Variants in NRXN1 observed in about 807,000 individuals in gnomAD.
The protein encoded by NRXN1 is neurexin-1.
Under a neutral mutation model 150.9 loss-of-function variants are expected in NRXN1, and 39 were observed. That is an observed-to-expected ratio of 0.26 (90% CI 0.20 to 0.34). The LOEUF (loss-of-function observed/expected upper bound fraction) is 0.34. Among genes scored for constraint, NRXN1 ranks in the 10% least tolerant of loss-of-function variants. The pLI is 1.00. For missense variants in NRXN1, 1,815 were observed against 1,949.9 expected (o/e 0.93, Z 1.30); for synonymous variants, 924 against 757.0 (o/e 1.22, Z -3.62).
At chr2:50,625,070 G>T (rs551276631) in intron 5 of NRXN1, 1 of 151,788 alleles carries the variant, frequency 6.6e-6, no homozygotes, top group South Asian at 2.1e-4. Flanking sequence ...TGTCCCACTG[G>T]CGACATACTA....
chr2:50,607,501 G>T (rs967157890), intron 8 of NRXN1, among the ~76,000 whole-genome samples: 1 of 152,002 alleles, frequency 6.6e-6, no homozygotes, highest in Admixed American at 6.6e-5. Flanking sequence ...ACTTTCTTTA[G>T]GGCATAAGCC....
In NRXN1 at chr2:49,921,817, C is replaced by G. The variant is rs1253576831; in HGVS notation, c.*127G>C. 10 of 941,726 alleles carry G rather than the reference C, an allele frequency of 1.1e-5. No homozygotes were observed. Among genetic ancestry groups the G allele is most frequent in the Admixed American group, 2.9e-5 (1 of 34,636 alleles). The allele number at this position is 941,726 out of a possible 1,614,324, so 58.3% of individuals were successfully genotyped here. ...TGTTTTTATTTTTTAAAAAGTCTTT[C>G]CTTCCTGATTGCATTCCCTGTCTTC... On this transcript the variant is annotated 3_prime_UTR_variant, in exon 23 of 23. Coordinates refer to ENST00000401669, the MANE Select transcript of NRXN1 (RefSeq NM_001330078.2).
intron 18 of NRXN1, among the ~76,000 whole-genome samples, chr2:50,233,396 A>C (rs1016700239): frequency 6.6e-6 from 1 of 152,038 alleles, no homozygotes; most frequent in Admixed American, 6.6e-5. Flanking sequence ...AGTTAATCAA[A>C]ATTTTTAAAA....
At chr2:50,810,915 G>C (rs1284770634) in intron 5 of NRXN1, among the ~76,000 whole-genome samples, 1 of 151,918 alleles carries the variant, frequency 6.6e-6, no homozygotes, top group Non-Finnish European at 1.5e-5. Context: ...GAGAGGCGGT[G>C]ATTGCAGTGA....
At chr2:50,645,562 A>G (rs1178710956) in intron 5 of NRXN1, among the ~76,000 whole-genome samples, 4 of 151,908 alleles carry the variant, frequency 2.6e-5, no homozygotes, top group Non-Finnish European at 4.4e-5. Flanking sequence ...CGTCATGGTG[A>G]TTGTTTACCA....
At chr2:50,263,312 T>C (rs1574817188) in intron 17 of NRXN1, among the ~76,000 whole-genome samples, 1 of 152,018 alleles carries the variant, frequency 6.6e-6, no homozygotes, top group East Asian at 1.9e-4. Context: ...CATATAACTG[T>C]CCCATACTGA....
At chr2:50,089,780 T>A (rs1311398522) in intron 19 of NRXN1, among the ~76,000 whole-genome samples, 1 of 139,060 alleles carries the variant, frequency 7.2e-6, no homozygotes, top group Non-Finnish European at 1.5e-5. Context: ...GAGTGAGACC[T>A]TGCTTCAAAA....
At chr2:50,422,878 T>G (rs2084109852) in intron 17 of NRXN1, among the ~76,000 whole-genome samples, 1 of 152,202 alleles carries the variant, frequency 6.6e-6, no homozygotes, top group East Asian at 1.9e-4. Flanking sequence ...CCAGGCTTCC[T>G]GACCACTCTC....
At chr2:50,548,962 G>C (rs997524504) in intron 9 of NRXN1, among the ~76,000 whole-genome samples, 4 of 152,088 alleles carry the variant, frequency 2.6e-5, no homozygotes, top group Non-Finnish European at 5.9e-5. Flanking sequence ...AATATTCCAG[G>C]CAAATCAACA....
At position 50,807,498 on chromosome 2, in the gene NRXN1, A is replaced by G. The variant is rs577961509; in HGVS notation, c.832+114371T>C. 4.6e-5 allele frequency among the ~76,000 whole-genome samples: 7 copies of G among 152,308 alleles called. No individual in the cohort carries two copies. The East Asian group carries it at 9.7e-4, about 21-fold the overall frequency. On this transcript the variant is annotated intron_variant, in intron 5 of 22. Transcript: ENST00000401669. The stretch of plus-strand genomic sequence containing the variant: ...CACTGGACTGAATAATTTTATATCA[A>G]TTTATTCCAACTGCTATGAATACTG...
In NRXN1 at chr2:50,880,695, A is replaced by G. The variant is rs116106305; in HGVS notation, c.832+41174T>C. Among the ~76,000 whole-genome samples, 307 of 152,138 alleles carry G rather than the reference A, an allele frequency of 2.0e-3. 1 individual carries two copies. Among genetic ancestry groups the G allele is most frequent in the African/African-American group, 6.9e-3 (286 of 41,546 alleles). ...TTTTGTGTTTTGTCTTGCTTTCAGAATAACAGAATTTCCTTCCTAGACATA... is the reference window on the plus strand; with the variant it reads ...TTTTGTGTTTTGTCTTGCTTTCAGAGTAACAGAATTTCCTTCCTAGACATA... On this transcript the variant is annotated intron_variant, in intron 5 of 22. Transcript: ENST00000401669.
At chr2:50,566,314 G>C (rs997229281) in intron 8 of NRXN1, among the ~76,000 whole-genome samples, 7 of 152,066 alleles carry the variant, frequency 4.6e-5, no homozygotes, top group South Asian at 2.1e-4. Context: ...CATGATCTCA[G>C]CTCACTGCAA....
intron 5 of NRXN1, among the ~76,000 whole-genome samples, chr2:50,853,779 T>C (rs1230337379): frequency 1.3e-5 from 2 of 152,234 alleles, no homozygotes; most frequent in East Asian, 3.9e-4. Flanking sequence ...AATCTGTACT[T>C]GTCACTGTTA....
chr2:50,900,103 AG>A (rs1247063450), intron 5 of NRXN1, among the ~76,000 whole-genome samples: 1 of 152,208 alleles, frequency 6.6e-6, no homozygotes, highest in Non-Finnish European at 1.5e-5. Context: ...TATCAAGAGA[AG>A]GCTGAGCAAT....
At chr2:50,481,904 T>G (rs1573177412) in intron 15 of NRXN1, among the ~76,000 whole-genome samples, 2 of 144,130 alleles carry the variant, frequency 1.4e-5, no homozygotes, top group South Asian at 4.2e-4. Context: ...TAGCTGGGAC[T>G]ACAGGCGCCC....
intron 17 of NRXN1, among the ~76,000 whole-genome samples, chr2:50,431,984 C>A (rs6747128): frequency 0.27 from 41,366 of 152,120 alleles, 5,831 homozygotes; most frequent in East Asian, 0.39. Flanking sequence ...GTAATCCTCA[C>A]CACTAAATAA....
chr2:50,224,461 T>C (rs1264701440), intron 18 of NRXN1, among the ~76,000 whole-genome samples: 1 of 151,986 alleles, frequency 6.6e-6, no homozygotes, highest in African/African-American at 2.4e-5. Context: ...TAAAGAGTAT[T>C]GTTTAGTTAC....
At chr2:50,492,063 C>T (rs2091284794) in intron 15 of NRXN1, among the ~76,000 whole-genome samples, 1 of 152,032 alleles carries the variant, frequency 6.6e-6, no homozygotes, top group South Asian at 2.1e-4. Flanking sequence ...TACAAATTTG[C>T]CAAATACAGG....
intron 5 of NRXN1, among the ~76,000 whole-genome samples, chr2:50,795,363 C>A (rs966339953): frequency 2.6e-5 from 4 of 152,168 alleles, no homozygotes; most frequent in African/African-American, 9.6e-5. Flanking sequence ...TGCTCTTAAC[C>A]ACTGTGTCAG....
Sources: allele counts gnomAD v4.1 joint callset (sites outside exome capture counted in the v4.1 genomes callset), GRCh38; gene constraint gnomAD v4.1.1; transcripts MANE v1.5; gene names NCBI Gene and HGNC (gene_info 2026-07-23, HGNC 2026-07-21).